APOL4: variants seen among roughly 807,000 people sequenced by gnomAD.
APOL4 encodes the protein apolipoprotein L, 4.
A neutral mutation model predicts 12.1 loss-of-function variants in APOL4; 14 were observed. The ratio of observed to expected loss-of-function variants is 1.16; its 90% CI spans 0.76 to 1.81. APOL4 has a LOEUF of 1.81. APOL4 is among the 40% of genes most tolerant of loss of function. The probability of loss-of-function intolerance (pLI) is 0.00; values close to 1 mark genes in which losing one functional copy is unlikely to be tolerated. For missense variants in APOL4, 432 were observed against 423.1 expected (o/e 1.02, Z -0.18); for synonymous variants, 171 against 160.6 (o/e 1.06, Z -0.49).
chr22:36,191,107 T>C lies in APOL4; in HGVS notation c.1015A>G (p.Thr339Ala), dbSNP rs1480786070. ...QELEENLNEL[T>A]HIHQSLKAG ...GCTTTTAGACTCTGATGGATATGGG[T>C]GAGCTCATTGAGATTCTCCTCCAGC... Residue 339 changes from threonine to alanine, a missense_variant, in exon 4 of 4, where the codon ACC (threonine) becomes GCC (alanine). Physicochemically the swap from Thr to Ala is moderately conservative, Grantham distance 58 (BLOSUM62 0). Coordinates refer to ENST00000683024, the MANE Select transcript of APOL4 (RefSeq NM_001386885.1). 1 of 1,607,974 alleles carries C rather than the reference T, an allele frequency of 6.2e-7. No individual in the cohort carries two copies. Among genetic ancestry groups the C allele is most frequent in the African/African-American group, 1.3e-5 (1 of 74,940 alleles).
At chr22:36,202,734 GAAAAAAAAAA>G (rs60167679), upstream of APOL4, among the ~76,000 whole-genome samples, 7 of 143,218 alleles carry the variant, frequency 4.9e-5, no homozygotes, top group Admixed American at 4.1e-4. Flanking sequence ...TCAGAAAAAA[GAAAAAAAAAA>G]AAAGAAAAAG....
upstream of APOL4, chr22:36,204,723 A>T: frequency 2.5e-6 from 1 of 396,408 alleles, no homozygotes; most frequent in Admixed American, 3.7e-5. Flanking sequence ...ATAACCAGAC[A>T]CGTCCTCCAG....
At chr22:36,192,364 T>C (rs941314871) in intron 3 of APOL4, among the ~76,000 whole-genome samples, 1 of 152,168 alleles carries the variant, frequency 6.6e-6, no homozygotes. Context: ...ATAATAATTC[T>C]ACTCAAGGTT....
chr22:36,191,069 T>C lies in APOL4; in HGVS notation c.*6A>G, dbSNP rs751885887. On this transcript the variant is annotated 3_prime_UTR_variant, in exon 4 of 4. Transcript: ENST00000683024. ...TGGGGTCCCTGACTTCCCGCAACAA[T>C]TGGGCCTAGCCTGCTTTTAGACTCT... 27 of 1,581,598 alleles carry C rather than the reference T, an allele frequency of 1.7e-5. No individual in the cohort carries two copies. In the African/African-American group the frequency reaches 2.7e-4, roughly 16 times the overall value.
intron 2 of APOL4, chr22:36,197,588 C>CA: frequency 6.8e-7 from 1 of 1,477,462 alleles, no homozygotes; most frequent in Non-Finnish European, 9.0e-7. Flanking sequence ...TGTAACCCCC[C>CA]ATGAAACTGC....
chr22:36,191,117 G>C lies in APOL4; in HGVS notation c.1005C>G (p.Leu335=), dbSNP rs372864545. ...TCTGATGGATATGGGTGAGCTCATT[G>C]AGATTCTCCTCCAGCTCCTGAGCCC... ...RQWAQELEEN[L]NELTHIHQSL... Residue 335 remains leucine, a synonymous_variant, in exon 4 of 4, where the codon CTC becomes CTG. Transcript: ENST00000683024. 19 of 1,609,948 alleles carry C rather than the reference G, an allele frequency of 1.2e-5. No homozygotes were observed. Among genetic ancestry groups the C allele is most frequent in the Non-Finnish European group, 1.5e-5 (18 of 1,178,050 alleles).
chr22:36,202,713 G>A (rs920711361), upstream of APOL4, among the ~76,000 whole-genome samples: 6 of 150,006 alleles, frequency 4.0e-5, no homozygotes, highest in African/African-American at 9.9e-5. Context: ...GCAACAGAGC[G>A]AGACTCCATC....
chr22:36,199,648 G>A (rs753185380), intron 1 of APOL4: 21 of 1,551,072 alleles, frequency 1.4e-5, no homozygotes, highest in Admixed American at 2.0e-5. Context: ...AGGAGGGGCA[G>A]CCATCTGATC....
chr22:36,204,684 G>T, upstream of APOL4: 5 of 671,874 alleles, frequency 7.4e-6, no homozygotes, highest in Middle Eastern at 2.7e-4. Context: ...GAGCTGTGTG[G>T]ATCTCACCTC....
At position 36,195,756 on chromosome 22, in the gene APOL4, T is replaced by A. The variant is rs1312796673; in HGVS notation, c.83-319A>T. 6.3e-5 allele frequency among the ~76,000 whole-genome samples: 7 copies of A among 111,736 alleles called. No homozygotes were observed. In the Admixed American group the frequency reaches 7.1e-4, roughly 11 times the overall value. The allele number at this position is 111,736 out of a possible 152,430, so 73.3% of individuals were successfully genotyped here. On this transcript the variant is annotated intron_variant, in intron 2 of 3. Transcript: ENST00000683024. The stretch of plus-strand genomic sequence containing the variant: ...AAGAGACAGATGATCTCTCTCTCTC[T>A]CTCTCTCTCTCTCTCTCTCTCACAC...
At position 36,191,137 on chromosome 22, in the gene APOL4, G is replaced by A. The variant is rs764618104; in HGVS notation, c.985C>T (p.Gln329Ter). The change falls in exon 4 of 4, where the codon CAG becomes TAG. Residue 329 changes from glutamine to a stop codon, truncating the protein, a stop_gained. Coordinates refer to ENST00000683024, the MANE Select transcript of APOL4 (RefSeq NM_001386885.1). LOFTEE classifies it low-confidence loss of function (END_TRUNC). The part of the protein sequence containing the change: ...ESAESLRQWA[Q>*]ELEENLNELT... Reference sequence around the variant, plus strand: ...TCATTGAGATTCTCCTCCAGCTCCTGAGCCCACTGCCTCAGCGACTCAGCA... The same window carrying A: ...TCATTGAGATTCTCCTCCAGCTCCTAAGCCCACTGCCTCAGCGACTCAGCA... 1.2e-6 allele frequency: 2 copies of A among 1,611,840 alleles called. No homozygotes were observed. Among genetic ancestry groups the A allele is most frequent in the South Asian group, 1.1e-5 (1 of 90,656 alleles).
At chr22:36,198,651 GCCGTA>G (rs2014481447) in intron 2 of APOL4, among the ~76,000 whole-genome samples, 2 of 152,216 alleles carry the variant, frequency 1.3e-5, no homozygotes, top group Admixed American at 1.3e-4. Flanking sequence ...CCTTAGGGAG[GCCGTA>G]CTGTGTGGCA....
chr22:36,197,924 C>A, intron 2 of APOL4: 1 of 1,422,592 alleles, frequency 7.0e-7, no homozygotes, highest in Non-Finnish European at 9.2e-7. Context: ...CTCAATCATA[C>A]CCTCCTTGTC....
rs1295524407 is a variant in APOL4 at position 36,190,189 on chromosome 22, A to C, written c.*886T>G. On this transcript the variant is annotated 3_prime_UTR_variant, in exon 4 of 4. Coordinates refer to ENST00000683024, the MANE Select transcript of APOL4 (RefSeq NM_001386885.1). ...CAGCAAGTTTTTATTAGGGACTTTCAAAAGGGGAGGGAGTGTATGAATAGG... is the reference window on the plus strand; with the variant it reads ...CAGCAAGTTTTTATTAGGGACTTTCCAAAGGGGAGGGAGTGTATGAATAGG... 7.1e-6 allele frequency: 1 copy of C among 141,334 alleles called. No homozygotes were observed. The highest frequency in any genetic ancestry group is 1.5e-5 in the Non-Finnish European group (1 of 66,170). 8.8% of individuals were successfully genotyped at this position (141,334 alleles called of 1,614,324 possible). A position where few individuals can be genotyped will look rare whatever the true frequency, so the allele number is the denominator to read the frequency against.
chr22:36,198,227 G>A (rs1174451039), intron 2 of APOL4, among the ~76,000 whole-genome samples: 1 of 152,186 alleles, frequency 6.6e-6, no homozygotes, highest in Non-Finnish European at 1.5e-5. Flanking sequence ...CAAGGCTAAG[G>A]TCCGGTCTCA....
At position 36,195,350 on chromosome 22, in the gene APOL4, T is replaced by A; in HGVS notation, c.170A>T (p.Glu57Val). 1 of 1,613,850 alleles carries A rather than the reference T, an allele frequency of 6.2e-7. No homozygotes were observed. ...CACACGCACAAATCTCTTCCAGGCT[T>A]CATCGCTAGTCAGCAGGATTTTCAG... ...VHLKILLTSD[E>V]AWKRFVRVAE... The change falls in exon 3 of 4, where the codon GAA becomes GTA. Residue 57 changes from glutamate to valine, a missense_variant. Transcript: ENST00000683024.
At chr22:36,199,536 G>A (rs1418216098) in intron 1 of APOL4, 160 bp from the exon 2 acceptor site, 1 of 1,590,166 alleles carries the variant, frequency 6.3e-7, no homozygotes. Context: ...CCCATCATCT[G>A]CTATTTACAG....
intron 2 of APOL4, chr22:36,197,476 T>C: frequency 2.9e-6 from 3 of 1,022,546 alleles, no homozygotes; most frequent in Non-Finnish European, 3.9e-6. Context: ...ATTTGTGTTT[T>C]ATTGATGGGG....
At chr22:36,197,914 C>T (rs1234386963) in intron 2 of APOL4, 2 of 1,454,384 alleles carry the variant, frequency 1.4e-6, no homozygotes, top group Admixed American at 2.6e-5. Flanking sequence ...TCACCCCAGA[C>T]TCAATCATAC....
Sources: allele counts gnomAD v4.1 joint callset (sites outside exome capture counted in the v4.1 genomes callset), GRCh38; gene constraint gnomAD v4.1.1; transcripts MANE v1.5; gene names NCBI Gene and HGNC (gene_info 2026-07-23, HGNC 2026-07-21).